Variants in KDM1A observed in about 807,000 individuals in gnomAD.
The protein encoded by KDM1A is lysine demethylase 1A.
KDM1A carries 49 observed loss-of-function variants against 109.4 expected under a neutral mutation model. The ratio of observed to expected loss-of-function variants is 0.45; its 90% CI spans 0.36 to 0.57. KDM1A has a LOEUF of 0.57. Ranked by LOEUF, KDM1A falls within the 20% of genes least tolerant of loss-of-function variation. The pLI, the probability that KDM1A is intolerant of heterozygous loss-of-function variation, is 0.00. For missense variants in KDM1A, 668 were observed against 1,116.6 expected (o/e 0.60, Z 5.73); for synonymous variants, 380 against 415.4 (o/e 0.91, Z 1.04).
At chr1:23,032,534 G>A (rs548836062) in intron 2 of KDM1A, among the ~76,000 whole-genome samples, 1 of 152,006 alleles carries the variant, frequency 6.6e-6, no homozygotes, top group East Asian at 1.9e-4. Flanking sequence ...TTAAGTTGAG[G>A]ATATCTTCAA....
At chr1:23,039,448 A>G (rs1642242204) in intron 2 of KDM1A, among the ~76,000 whole-genome samples, 4 of 152,130 alleles carry the variant, frequency 2.6e-5, no homozygotes. Flanking sequence ...CCTCTAATCC[A>G]TCTCGTACAA....
At chr1:23,044,587 G>A (rs1642448318) in intron 3 of KDM1A, 101 bp downstream of exon 3, 1 of 967,520 alleles carries the variant, frequency 1.0e-6, no homozygotes, top group Admixed American at 2.8e-5. Flanking sequence ...ATTTTAGCCA[G>A]AAGCGCAGGT....
chr1:23,033,832 G>GAC lies in KDM1A; in HGVS notation c.517+3199_517+3200insCA, dbSNP rs1642063161. ...CATTAGGAGTGTCAGCGGTAGCCCT[G>GAC]AGGTTTTTTGAGCAAGGGGGGTTAC... On this transcript the variant is annotated intron_variant, in intron 2 of 20. Transcript: ENST00000400181. Among the ~76,000 whole-genome samples, 3 of 152,294 alleles carry GAC rather than the reference G, an allele frequency of 2.0e-5. No individual in the cohort carries two copies. The South Asian group carries it at 6.2e-4, about 32-fold the overall frequency.
Position 23,068,950 on chromosome 1 carries a change from A to C in KDM1A, c.1323-111A>C, listed in dbSNP as rs573906918. The C allele has an allele frequency of 7.1e-6, 5 of 703,596 alleles. No individual in the cohort carries two copies. The South Asian group carries it at 1.2e-4, about 16-fold the overall frequency. The allele number at this position is 703,596 out of a possible 1,614,324, so 43.6% of individuals were successfully genotyped here. A position where few individuals can be genotyped will look rare whatever the true frequency, so the allele number is the denominator to read the frequency against. ...CCAACTAGCCAACTTTCTTGTTCCT[A>C]AGTATCAGAAGTTTCAGTGGGCCTT... On this transcript the variant is annotated intron_variant, in intron 11 of 20. Transcript: ENST00000400181.
Position 23,079,325 on chromosome 1 carries a change from C to A in KDM1A, c.2055+148C>A. ...CAGGGCTGAGGCGTGTCAGTTGATT[C>A]TCTTCAGTGCCTAAGTCTATCATCA... On this transcript the variant is annotated intron_variant, in intron 17 of 20. Coordinates refer to ENST00000400181, the MANE Select transcript of KDM1A (RefSeq NM_001009999.3). This position sits in a 1 kb window ranked among gnomAD's most constrained non-coding sequence, Gnocchi z 5.6. 2 of 789,394 alleles carry A rather than the reference C, an allele frequency of 2.5e-6. No homozygotes were observed. The highest frequency in any genetic ancestry group is 4.0e-6 in the Non-Finnish European group (2 of 497,216). The allele number at this position is 789,394 out of a possible 1,614,324, so 48.9% of individuals were successfully genotyped here.
At chr1:23,042,264 A>G (rs1642357922) in intron 2 of KDM1A, among the ~76,000 whole-genome samples, 1 of 151,958 alleles carries the variant, frequency 6.6e-6, no homozygotes, top group African/African-American at 2.4e-5. Flanking sequence ...GAACGATAAC[A>G]GCTGTATTAT....
intron 1 of KDM1A, among the ~76,000 whole-genome samples, chr1:23,021,414 C>A (rs1353770599): frequency 1.3e-5 from 2 of 152,194 alleles, no homozygotes; most frequent in African/African-American, 4.8e-5. Flanking sequence ...GTAATCCCTG[C>A]ACTTTGGGAG....
rs1398204581 is a variant in KDM1A at position 23,083,505 on chromosome 1, C to CA, written c.*144dup. 4 of 767,268 alleles carry CA rather than the reference C, an allele frequency of 5.2e-6. No homozygotes were observed. The highest frequency in any genetic ancestry group is 8.0e-6 in the Non-Finnish European group (4 of 501,674). The allele number at this position is 767,268 out of a possible 1,614,324, so 47.5% of individuals were successfully genotyped here. On this transcript the variant is annotated 3_prime_UTR_variant, in exon 21 of 21. Transcript: ENST00000400181. ...TCAGCTGATGGAGCTCCTGATTTGA[C>CA]AAAGGAGCTTGCCTCCTTTGAATGA...
At chr1:23,025,487 C>T (rs766015762) in intron 1 of KDM1A, among the ~76,000 whole-genome samples, 4 of 152,158 alleles carry the variant, frequency 2.6e-5, no homozygotes, top group East Asian at 1.9e-4. Flanking sequence ...CCTGCCACCA[C>T]GCCCAGCTAA....
chr1:23,057,412 G>A lies in KDM1A; in HGVS notation c.991-72G>A, dbSNP rs1007893791. ...TTTTTAAATTATAGAAGACAGAGCC[G>A]TGGTATGGTACTATGCCAGGTTTGT... On this transcript the variant is annotated intron_variant, in intron 7 of 20. Transcript: ENST00000400181. 21 of 1,081,656 alleles carry A rather than the reference G, an allele frequency of 1.9e-5. No individual in the cohort carries two copies. In the East Asian group the frequency reaches 2.4e-4, roughly 12 times the overall value. The allele number at this position is 1,081,656 out of a possible 1,614,324, so 67.0% of individuals were successfully genotyped here. A position where few individuals can be genotyped will look rare whatever the true frequency, so the allele number is the denominator to read the frequency against.
intron 1 of KDM1A, among the ~76,000 whole-genome samples, chr1:23,021,840 C>G (rs973131216): frequency 6.6e-6 from 1 of 152,266 alleles, no homozygotes; most frequent in South Asian, 2.1e-4. Context: ...GCAGTCACTC[C>G]CCAGTCCTCC....
intron 5 of KDM1A, among the ~76,000 whole-genome samples, chr1:23,054,750 C>G (rs1184012085): frequency 1.3e-5 from 2 of 152,094 alleles, no homozygotes; most frequent in African/African-American, 4.8e-5. Flanking sequence ...CCTCAGCCCC[C>G]CAAGTAACTA....
intron 2 of KDM1A, among the ~76,000 whole-genome samples, chr1:23,036,016 GGTT>G (rs1642132364): frequency 2.0e-5 from 3 of 152,068 alleles, no homozygotes; most frequent in African/African-American, 7.2e-5. Context: ...GCAGTCTGGT[GGTT>G]GCCAAGCACT....
At chr1:23,027,253 GTCT>G (rs924586265) in intron 1 of KDM1A, among the ~76,000 whole-genome samples, 3 of 152,136 alleles carry the variant, frequency 2.0e-5, no homozygotes, top group East Asian at 1.9e-4. Context: ...AAGCATGATA[GTCT>G]TCTTTTAGCC....
intron 9 of KDM1A, among the ~76,000 whole-genome samples, chr1:23,063,024 C>CT (rs1643043687): frequency 6.6e-6 from 1 of 151,986 alleles, no homozygotes; most frequent in African/African-American, 2.4e-5. Context: ...TTTTGCTGGT[C>CT]TCTGCTGAGG....
chr1:23,021,641 G>A (rs1641633613), intron 1 of KDM1A, among the ~76,000 whole-genome samples: 1 of 152,156 alleles, frequency 6.6e-6, no homozygotes, highest in African/African-American at 2.4e-5. Flanking sequence ...CTTCAGCCTG[G>A]GCAACAAGAG....
chr1:23,047,906 C>T (rs989007095), intron 3 of KDM1A, among the ~76,000 whole-genome samples: 16 of 71,344 alleles, frequency 2.2e-4, no homozygotes, highest in African/African-American at 7.9e-4. Flanking sequence ...TTCCCCCTGC[C>T]AAAAAAAAAA....
intron 2 of KDM1A, among the ~76,000 whole-genome samples, chr1:23,036,804 T>C (rs979560414): frequency 6.6e-6 from 1 of 152,126 alleles, no homozygotes; most frequent in Non-Finnish European, 1.5e-5. Context: ...ATTGGTAGTA[T>C]GGAGGGCAAA....
chr1:23,028,710 T>C (rs1641886729), intron 1 of KDM1A, among the ~76,000 whole-genome samples: 1 of 152,124 alleles, frequency 6.6e-6, no homozygotes, highest in Admixed American at 6.6e-5. Flanking sequence ...CTTTTTTTTT[T>C]CTCCTTGCTG....
Sources: gnomAD v4.1 joint callset for allele counts (sites outside exome capture counted in the v4.1 genomes callset) on GRCh38, gnomAD v4.1.1 for gene constraint, Gnocchi (gnomAD v3.1) non-coding constraint, MANE v1.5 for transcripts, NCBI Gene and HGNC (gene_info 2026-07-23, HGNC 2026-07-21) for gene names.